ATRX: variants seen among roughly 807,000 people sequenced by gnomAD.
The protein encoded by ATRX is ATRX chromatin remodeler.
ATRX carries 12 observed loss-of-function variants against 172.6 expected under a neutral mutation model. That is an observed-to-expected ratio of 0.07 (90% CI 0.04 to 0.11). The LOEUF is 0.11. Ranked by LOEUF, ATRX falls within the 10% of genes least tolerant of loss-of-function variation. The probability of loss-of-function intolerance (pLI) is 1.00; values close to 1 mark genes in which losing one functional copy is unlikely to be tolerated. For synonymous variants in ATRX, 674 were observed against 594.7 expected, an observed-to-expected ratio of 1.13 and a Z score of -1.94; for missense variants, 1,368 against 1,767.4, an observed-to-expected ratio of 0.77 and a Z score of 4.05.
intron 28 of ATRX, among the ~76,000 whole-genome samples, chrX:77,563,686 A>C (rs2065092806): frequency 1.0e-5 from 1 of 96,505 alleles, no homozygotes; most frequent in Non-Finnish European, 2.1e-5. Context: ...AGGAGTTAAG[A>C]ACTTGTGTGT....
At chrX:77,569,865 A>C (rs1446088061) in intron 28 of ATRX, among the ~76,000 whole-genome samples, 1 of 112,201 alleles carries the variant, frequency 8.9e-6, no homozygotes, top group Non-Finnish European at 1.9e-5. Context: ...ACAAATTAGT[A>C]ATAGGTTTAA....
intron 1 of ATRX, among the ~76,000 whole-genome samples, chrX:77,748,234 T>G (rs2075160759): frequency 8.9e-6 from 1 of 111,928 alleles, no homozygotes. Context: ...CAAGACACAT[T>G]AAGTGGAAAA....
At chrX:77,607,852 C>T (rs782432005) in intron 22 of ATRX, among the ~76,000 whole-genome samples, 20 of 110,330 alleles carry the variant, frequency 1.8e-4, no homozygotes, top group Non-Finnish European at 3.6e-4. Context: ...GTTAAAATGT[C>T]CACACCACCT....
At chrX:77,734,772 C>A (rs2074463146) in intron 1 of ATRX, among the ~76,000 whole-genome samples, 1 of 105,116 alleles carries the variant, frequency 9.5e-6, no homozygotes, top group African/African-American at 3.5e-5. Flanking sequence ...GCCTGGGCAA[C>A]ATAGGGAGAC....
intron 1 of ATRX, among the ~76,000 whole-genome samples, chrX:77,731,247 C>A (rs1170518827): frequency 9.0e-6 from 1 of 111,545 alleles, no homozygotes; most frequent in Non-Finnish European, 1.9e-5. Flanking sequence ...AAGAAATGGA[C>A]AAATTCCTAG....
At chrX:77,560,910 T>C (rs1301165837) in intron 28 of ATRX, among the ~76,000 whole-genome samples, 2 of 111,937 alleles carry the variant, frequency 1.8e-5, no homozygotes, top group East Asian at 5.5e-4. Context: ...AATTAAACAA[T>C]ATGTATAACA....
intron 27 of ATRX, among the ~76,000 whole-genome samples, chrX:77,584,498 T>C (rs1557075800): frequency 1.8e-5 from 2 of 111,419 alleles, no homozygotes; most frequent in East Asian, 5.6e-4. Flanking sequence ...CTGAGATAAA[T>C]GTATAAATCT....
chrX:77,542,483 G>A (rs912667795), intron 30 of ATRX, among the ~76,000 whole-genome samples: 7 of 111,763 alleles, frequency 6.3e-5, no homozygotes, highest in African/African-American at 2.3e-4. Context: ...ACTTCAAATG[G>A]AACCAGAAAA....
chrX:77,778,533 C>T (rs1437174570), intron 1 of ATRX, among the ~76,000 whole-genome samples: 10 of 109,852 alleles, frequency 9.1e-5, no homozygotes, highest in Non-Finnish European at 1.5e-4. Flanking sequence ...CCATCCTGGC[C>T]AACACGGTGA....
At chrX:77,542,590 A>C (rs1041697495) in intron 30 of ATRX, among the ~76,000 whole-genome samples, 2 of 111,849 alleles carry the variant, frequency 1.8e-5, no homozygotes, top group Non-Finnish European at 3.8e-5. Flanking sequence ...CCAGTAACCA[A>C]AACAGCATGG....
rs2148460516 is a variant in ATRX, at chrX:77,656,550, A to G, written c.4214+10T>C. 8.3e-7 allele frequency: 1 copy of G among 1,201,755 alleles called. No individual in the cohort carries two copies. The highest frequency in any genetic ancestry group is 3.0e-5 in the East Asian group (1 of 33,699). ...AATTCCTAAAATTTTTTAAAAACCAATTATAATACCTTGTTCTGGGCCGCT... is the reference window on the plus strand; with the variant it reads ...AATTCCTAAAATTTTTTAAAAACCAGTTATAATACCTTGTTCTGGGCCGCT... On this transcript the variant is annotated intron_variant, in intron 13 of 34. Coordinates refer to ENST00000373344, the MANE Select transcript of ATRX (RefSeq NM_000489.6).
intron 15 of ATRX, among the ~76,000 whole-genome samples, chrX:77,651,707 A>T (rs2069251460): frequency 9.1e-6 from 1 of 110,431 alleles, no homozygotes; most frequent in Non-Finnish European, 1.9e-5. Context: ...AAAAATACAA[A>T]AATTAGCTGG....
At position 77,684,140 on chromosome X, in the gene ATRX, T is replaced by C. The variant is rs782725902; in HGVS notation, c.1116A>G (p.Lys372=). The part of the protein sequence containing the change: ...TTANMNSSYV[K]FLKQATDNSE... ...AATTATCTGTTGCCTGCTTTAAAAA[T>C]TTAACATAACTGGAGTTCATGTTGG... The change falls in exon 9 of 35, where the codon AAA becomes AAG. Residue 372 remains lysine, a synonymous_variant. Coordinates refer to ENST00000373344, the MANE Select transcript of ATRX (RefSeq NM_000489.6). The C allele has an allele frequency of 2.5e-6, 3 of 1,207,025 alleles. No individual in the cohort carries two copies. The highest frequency in any genetic ancestry group is 1.7e-5 in the African/African-American group (1 of 57,214).
chrX:77,682,261 T>G lies in ATRX; in HGVS notation c.2995A>C (p.Lys999Gln). The G allele has an allele frequency of 4.1e-6, 5 of 1,205,777 alleles. No individual in the cohort carries two copies. Among genetic ancestry groups the G allele is most frequent in the Non-Finnish European group, 5.6e-6 (5 of 893,772 alleles). Residue 999 changes from lysine to glutamine, a missense_variant, in exon 9 of 35, where the codon AAG becomes CAG. Physicochemically the swap from Lys to Gln is moderately conservative, Grantham distance 53 (BLOSUM62 1). Around this residue, in one of 17 missense-constraint regions of ATRX, gnomAD observed 843 missense variants for 643.1 expected, o/e 1.31. Coordinates refer to ENST00000373344, the MANE Select transcript of ATRX (RefSeq NM_000489.6). ...TGTTCCATTTTAATTACTTTTTTCT[T>G]AAAGTCTGAAGGTTTCTTTTTTTCT... is the stretch of plus-strand genomic sequence containing the variant. Reference protein sequence around the residue: ...TEEKKKPSDFKKKVIKMEQQY... With the variant: ...TEEKKKPSDFQKKVIKMEQQY...
At chrX:77,721,412 A>G (rs929404004) in intron 1 of ATRX, among the ~76,000 whole-genome samples, 2 of 112,005 alleles carry the variant, frequency 1.8e-5, no homozygotes, top group African/African-American at 3.2e-5. Flanking sequence ...AAATGATTGC[A>G]TATTTAGAAA....
At chrX:77,599,674 G>A (rs954359348) in intron 24 of ATRX, 58 bp downstream of exon 24, 1 of 1,181,589 alleles carries the variant, frequency 8.5e-7, no homozygotes, top group Non-Finnish European at 1.2e-6. Context: ...AGGTCAATCA[G>A]CAAGTAGGGG....
intron 1 of ATRX, among the ~76,000 whole-genome samples, chrX:77,726,540 T>A (rs2074048562): frequency 9.2e-6 from 1 of 108,982 alleles, no homozygotes; most frequent in South Asian, 4.1e-4. Context: ...AGTTAATGGG[T>A]GCAGCACACC....
intron 28 of ATRX, among the ~76,000 whole-genome samples, chrX:77,567,514 G>C (rs2065243742): frequency 1.8e-5 from 2 of 110,422 alleles, no homozygotes; most frequent in South Asian, 7.6e-4. Context: ...GGATAGACAG[G>C]GGCACAGCAA....
chrX:77,540,014 C>A (rs2063910489), intron 30 of ATRX, among the ~76,000 whole-genome samples: 2 of 111,603 alleles, frequency 1.8e-5, no homozygotes, highest in African/African-American at 6.5e-5. Flanking sequence ...TTAAAAGGCA[C>A]AGACTGGCAA....
Sources: gnomAD v4.1 joint callset for allele counts (sites outside exome capture counted in the v4.1 genomes callset) on GRCh38, gnomAD v4.1.1 for gene constraint, gnomAD v4.1.1 regional missense constraint, MANE v1.5 for transcripts, NCBI Gene and HGNC (gene_info 2026-07-23, HGNC 2026-07-21) for gene names.